ADAMTS19: variants seen among roughly 807,000 people sequenced by gnomAD.
The protein encoded by ADAMTS19 is A disintegrin and metalloproteinase with thrombospondin motifs 19.
Under a neutral mutation model 153.3 loss-of-function variants are expected in ADAMTS19, and 93 were observed. That is an observed-to-expected ratio of 0.61 (90% CI 0.51 to 0.72). The LOEUF (loss-of-function observed/expected upper bound fraction) is 0.72. ADAMTS19 is among the 30% of genes least tolerant of loss of function. The pLI, the probability that ADAMTS19 is intolerant of heterozygous loss-of-function variation, is 0.00. For synonymous variants in ADAMTS19, 600 were observed against 556.6 expected (o/e 1.08, Z -1.10); for missense variants, 1,482 against 1,552.1 (o/e 0.95, Z 0.76).
chr5:129,528,653 T>C lies in ADAMTS19; in HGVS notation c.1304T>C (p.Val435Ala), dbSNP rs960636884. 2.5e-6 allele frequency: 4 copies of C among 1,600,286 alleles called. No homozygotes were observed. The African/African-American group carries it at 5.4e-5, about 22-fold the overall frequency. The change falls in exon 6 of 23, where the codon GTG (valine) becomes GCG (alanine). Residue 435 changes from valine (V) to alanine (A), a missense_variant. Physicochemically the swap from Val to Ala is moderately conservative, Grantham distance 64. Transcript: ENST00000274487. ...STNWGEDMTS[V>A]DAAILITRKD... ...AACTGGGGGGAAGACATGACTTCAG[T>C]GGATGCAGCTATACTTATAACAAGG...
At chr5:129,515,807 G>A (rs939731917) in intron 3 of ADAMTS19, among the ~76,000 whole-genome samples, 9 of 152,000 alleles carry the variant, frequency 5.9e-5, no homozygotes, top group Admixed American at 3.9e-4. Context: ...GTTCTAGCTA[G>A]GACTTACAGT....
chr5:129,718,214 A>T (rs929734290), intron 21 of ADAMTS19, among the ~76,000 whole-genome samples: 1 of 152,134 alleles, frequency 6.6e-6, no homozygotes, highest in Non-Finnish European at 1.5e-5. Flanking sequence ...CAGTCCTTTC[A>T]CAACATATTC....
chr5:129,556,327 A>G (rs1361799898), intron 7 of ADAMTS19, among the ~76,000 whole-genome samples: 1 of 152,230 alleles, frequency 6.6e-6, no homozygotes, highest in Non-Finnish European at 1.5e-5. Context: ...TCAGAATTTA[A>G]TTCAAAGTTT....
chr5:129,490,433 A>G (rs573688201), intron 2 of ADAMTS19, among the ~76,000 whole-genome samples: 27 of 152,320 alleles, frequency 1.8e-4, no homozygotes, highest in African/African-American at 6.5e-4. Flanking sequence ...AGAAGTGAGA[A>G]AAGAATATGC....
chr5:129,600,193 T>G (rs1355584847), intron 8 of ADAMTS19, among the ~76,000 whole-genome samples: 1 of 152,004 alleles, frequency 6.6e-6, no homozygotes, highest in Non-Finnish European at 1.5e-5. Flanking sequence ...TATCTACAGA[T>G]TCTATGTGCA....
intron 7 of ADAMTS19, among the ~76,000 whole-genome samples, chr5:129,565,381 C>T (rs1753671973): frequency 6.6e-6 from 1 of 152,176 alleles, no homozygotes; most frequent in African/African-American, 2.4e-5. Flanking sequence ...ACTAAATTCT[C>T]ATATCTGAGA....
rs533406845 is a variant in ADAMTS19 at position 129,535,758 on chromosome 5, T to C, written c.1328+7081T>C. On this transcript the variant is annotated intron_variant, in intron 6 of 22. Transcript: ENST00000274487. Reference sequence around the variant, plus strand: ...AACAGAGCCCTCAGAAATAATGCCATATATCTACAACTATATGATCTTTGA... The same window carrying C: ...AACAGAGCCCTCAGAAATAATGCCACATATCTACAACTATATGATCTTTGA... 2.6e-3 allele frequency among the ~76,000 whole-genome samples: 397 copies of C among 152,112 alleles called. 2 individuals carry two copies. The highest frequency in any genetic ancestry group is 9.1e-3 in the African/African-American group (377 of 41,532).
chr5:129,559,051 G>C (rs1313688991), intron 7 of ADAMTS19, among the ~76,000 whole-genome samples: 1 of 151,992 alleles, frequency 6.6e-6, no homozygotes, highest in Admixed American at 6.6e-5. Context: ...TTCTGTCAGG[G>C]AGAGGATACC....
chr5:129,718,558 A>G (rs1484700503), intron 21 of ADAMTS19, among the ~76,000 whole-genome samples: 6 of 152,296 alleles, frequency 3.9e-5, no homozygotes, highest in Middle Eastern at 3.4e-3. Context: ...TGCTTGTTTC[A>G]CACTCACTTT....
intron 14 of ADAMTS19, among the ~76,000 whole-genome samples, chr5:129,656,954 G>A (rs1303836358): frequency 6.6e-6 from 1 of 152,190 alleles, no homozygotes; most frequent in Non-Finnish European, 1.5e-5. Flanking sequence ...AAGTACTCTA[G>A]CTCTCCTCAG....
intron 21 of ADAMTS19, among the ~76,000 whole-genome samples, chr5:129,729,303 C>A (rs1226327147): frequency 6.6e-6 from 1 of 151,662 alleles, no homozygotes; most frequent in Non-Finnish European, 1.5e-5. Flanking sequence ...TTTGATTATT[C>A]AATATTGTCT....
chr5:129,603,538 C>G (rs1750761625), intron 8 of ADAMTS19, among the ~76,000 whole-genome samples: 3 of 152,056 alleles, frequency 2.0e-5, no homozygotes, highest in Admixed American at 6.6e-5. Flanking sequence ...CAAAAGTAAA[C>G]TAACCCTTGC....
At chr5:129,712,448 G>T (rs968465946) in intron 21 of ADAMTS19, among the ~76,000 whole-genome samples, 1 of 152,128 alleles carries the variant, frequency 6.6e-6, no homozygotes, top group Non-Finnish European at 1.5e-5. Context: ...TTTCCATTTT[G>T]TTGTTTAGAT....
intron 18 of ADAMTS19, among the ~76,000 whole-genome samples, chr5:129,689,176 T>C (rs529370854): frequency 2.0e-5 from 3 of 152,212 alleles, no homozygotes; most frequent in South Asian, 2.1e-4. Flanking sequence ...CAGATCTACT[T>C]TGAAGGAAAA....
chr5:129,603,243 C>G (rs1413665938), intron 8 of ADAMTS19, among the ~76,000 whole-genome samples: 2 of 152,170 alleles, frequency 1.3e-5, no homozygotes, highest in Non-Finnish European at 2.9e-5. Context: ...CAGTGTTGCA[C>G]TAGGAAGTTG....
At chr5:129,688,588 A>G (rs1755194380) in intron 18 of ADAMTS19, among the ~76,000 whole-genome samples, 1 of 152,212 alleles carries the variant, frequency 6.6e-6, no homozygotes, top group South Asian at 2.1e-4. Context: ...CTAAGAGATG[A>G]AAATTCTCTC....
chr5:129,525,122 A>G (rs1751962339), intron 3 of ADAMTS19, among the ~76,000 whole-genome samples: 1 of 152,124 alleles, frequency 6.6e-6, no homozygotes, highest in Non-Finnish European at 1.5e-5. Flanking sequence ...TGCCACTCTG[A>G]GTAGTTTGTA....
intron 3 of ADAMTS19, among the ~76,000 whole-genome samples, chr5:129,509,630 C>A (rs1751374005): frequency 6.6e-6 from 1 of 151,988 alleles, no homozygotes; most frequent in Admixed American, 6.6e-5. Context: ...TCATAGATAT[C>A]TCTTGGACTA....
chr5:129,633,684 C>T (rs1752408632), intron 10 of ADAMTS19, among the ~76,000 whole-genome samples: 1 of 152,120 alleles, frequency 6.6e-6, no homozygotes, highest in African/African-American at 2.4e-5. Context: ...CCTTCAAAGA[C>T]TGTTTTTTGT....
Sources: gnomAD v4.1 joint callset for allele counts (sites outside exome capture counted in the v4.1 genomes callset) on GRCh38, gnomAD v4.1.1 for gene constraint, MANE v1.5 for transcripts, NCBI Gene and HGNC (gene_info 2026-07-23, HGNC 2026-07-21) for gene names.